The following SYTL2 variants were observed in gnomAD, a reference collection of about 807,000 sequenced individuals.
SYTL2 encodes the protein synaptotagmin like 2.
Under a neutral mutation model 198.7 loss-of-function variants are expected in SYTL2, and 165 were observed. The ratio of observed to expected loss-of-function variants is 0.83; its 90% confidence interval spans 0.73 to 0.94. The LOEUF is 0.94. Ranked by LOEUF, SYTL2 falls within the 40% of genes least tolerant of loss-of-function variation. SYTL2 has a pLI of 0.00. For synonymous variants in SYTL2, 966 were observed against 917.7 expected (o/e 1.05, Z -0.95); for missense variants, 2,835 against 2,582.8 (o/e 1.10, Z -2.12).
At chr11:85,790,370 C>A (rs2092711582) in intron 1 of SYTL2, among the ~76,000 whole-genome samples, 2 of 152,218 alleles carry the variant, frequency 1.3e-5, no homozygotes, top group South Asian at 4.1e-4. Context: ...ATCCCAAGCA[C>A]AACCCCTGAC....
intron 4 of SYTL2, among the ~76,000 whole-genome samples, chr11:85,742,186 A>G (rs961085582): frequency 1.3e-5 from 2 of 151,992 alleles, no homozygotes; most frequent in Non-Finnish European, 2.9e-5. Context: ...TTTATTGGCT[A>G]CCTCCTGCAG....
At chr11:85,757,173 TC>T (rs1457489421) in intron 2 of SYTL2, among the ~76,000 whole-genome samples, 2 of 152,214 alleles carry the variant, frequency 1.3e-5, no homozygotes, top group East Asian at 3.8e-4. Flanking sequence ...TAAAACCAAT[TC>T]CAACATTTCT....
Position 85,726,262 on chromosome 11 carries a change from A to T in SYTL2, c.3096T>A (p.Asn1032Lys). ...TTAGAAGCACCTCTGCTTCATGGGTATTTTTACCTGATAATTTAATGTCGC... is the reference window on the plus strand; with the variant it reads ...TTAGAAGCACCTCTGCTTCATGGGTTTTTTTACCTGATAATTTAATGTCGC... ...EFSDIKLSGK[N>K]THEAEVLLSP... Residue 1032 changes from asparagine (N) to lysine (K), a missense_variant, in exon 8 of 20, where the codon AAT becomes AAA. Transcript: ENST00000359152. The T allele has an allele frequency of 6.2e-7, 1 of 1,613,644 alleles. No individual in the cohort carries two copies.
At chr11:85,780,107 C>A (rs541643876) in intron 1 of SYTL2, among the ~76,000 whole-genome samples, 1 of 152,314 alleles carries the variant, frequency 6.6e-6, no homozygotes, top group Admixed American at 6.5e-5. Context: ...CAGAATTTGT[C>A]TACAATGAAC....
At chr11:85,766,211 G>T (rs1298279514) in intron 1 of SYTL2, among the ~76,000 whole-genome samples, 1 of 152,094 alleles carries the variant, frequency 6.6e-6, no homozygotes, top group Non-Finnish European at 1.5e-5. Flanking sequence ...AAAGTGTCAA[G>T]GGGGGGAGTT....
intron 1 of SYTL2, among the ~76,000 whole-genome samples, chr11:85,786,118 G>A (rs1265739093): frequency 6.6e-6 from 1 of 152,068 alleles, no homozygotes; most frequent in South Asian, 2.1e-4. Context: ...GAATCTCAAG[G>A]GAATTGTGCT....
the SYTL2 span, among the ~76,000 whole-genome samples, chr11:85,828,281 G>A: frequency 6.6e-6 from 1 of 152,130 alleles, no homozygotes; most frequent in Non-Finnish European, 1.5e-5. Context: ...TATGCAAGCA[G>A]CTGCAAACAC....
intron 11 of SYTL2, among the ~76,000 whole-genome samples, chr11:85,715,784 G>A (rs192261526): frequency 1.1e-4 from 17 of 152,156 alleles, no homozygotes; most frequent in Non-Finnish European, 2.1e-4. Context: ...TGGTAGCAGT[G>A]TAAGATTAGG....
Position 85,726,137 on chromosome 11 carries a change from A to C in SYTL2, c.3221T>G (p.Leu1074Arg). Residue 1074 changes from leucine (L) to arginine (R), a missense_variant, in exon 8 of 20, where the codon CTT (leucine) becomes CGT (arginine). Coordinates refer to ENST00000359152, the MANE Select transcript of SYTL2 (RefSeq NM_206927.4). The stretch of plus-strand genomic sequence containing the variant: ...TGGCAACTGATAAGTATACTTTCTA[A>C]GTGGACTCAAAGGAAATGTGATTTC... ...PDEITFPLSP[L>R]RKYTYQLPGN... The C allele has an allele frequency of 6.2e-7, 1 of 1,614,058 alleles. No individual in the cohort carries two copies. Among genetic ancestry groups the C allele is most frequent in the South Asian group, 1.1e-5 (1 of 91,062 alleles).
At chr11:85,847,229 A>G in the SYTL2 span, among the ~76,000 whole-genome samples, 1 of 152,010 alleles carries the variant, frequency 6.6e-6, no homozygotes, top group Non-Finnish European at 1.5e-5. Flanking sequence ...CCCACACCCC[A>G]GCCCCTGAGC....
chr11:85,804,729 AT>A (rs2092935440), intron 1 of SYTL2, among the ~76,000 whole-genome samples: 1 of 152,212 alleles, frequency 6.6e-6, no homozygotes, highest in South Asian at 2.1e-4. Flanking sequence ...GCAACCAAAA[AT>A]ACCAGATCAG....
chr11:85,702,776 C>T (rs1053637723), intron 16 of SYTL2, among the ~76,000 whole-genome samples: 13 of 152,176 alleles, frequency 8.5e-5, no homozygotes, highest in South Asian at 2.1e-4. Context: ...AAAAAATGAA[C>T]GGGCATACCA....
In SYTL2 at chr11:85,709,391, A is replaced by G; in HGVS notation, c.5855T>C (p.Val1952Ala). The G allele has an allele frequency of 1.2e-6, 2 of 1,614,138 alleles. No homozygotes were observed. Among genetic ancestry groups the G allele is most frequent in the Non-Finnish European group, 1.7e-6 (2 of 1,180,020 alleles). The change falls in exon 14 of 20, where the codon GTT (valine) becomes GCT (alanine). Residue 1952 changes from valine (V) to alanine (A), a missense_variant. By Grantham distance (64) the Val-to-Ala change is moderately conservative. Transcript: ENST00000359152. ...EYVESLKELH[V>A]FVAQCKDLAA... ...TAAGTCCTTACACTGGGCCACAAAAACATGCAACTCCTTCAGTGACTCCAC... is the reference window on the plus strand; with the variant it reads ...TAAGTCCTTACACTGGGCCACAAAAGCATGCAACTCCTTCAGTGACTCCAC...
intron 1 of SYTL2, among the ~76,000 whole-genome samples, chr11:85,795,270 G>A (rs1009288007): frequency 1.3e-5 from 2 of 151,948 alleles, no homozygotes; most frequent in Non-Finnish European, 2.9e-5. Context: ...AATAATGCTT[G>A]CATTTTATTT....
At chr11:85,699,539 A>G (rs1392165716) in intron 17 of SYTL2, among the ~76,000 whole-genome samples, 1 of 151,818 alleles carries the variant, frequency 6.6e-6, no homozygotes, top group Non-Finnish European at 1.5e-5. Context: ...GCCTGAAAAT[A>G]TGCTTTACTT....
At chr11:85,807,986 T>C (rs74669640) in intron 1 of SYTL2, among the ~76,000 whole-genome samples, 3,249 of 152,272 alleles carry the variant, frequency 0.021, 62 homozygotes, top group Admixed American at 0.039. Flanking sequence ...TTTGTTAATA[T>C]AGATGCAAAG....
At chr11:85,832,010 AATT>A in the SYTL2 span, among the ~76,000 whole-genome samples, 1 of 151,758 alleles carries the variant, frequency 6.6e-6, no homozygotes, top group Non-Finnish European at 1.5e-5. Context: ...ATAATTCATT[AATT>A]ATTATCTTTA....
chr11:85,836,785 C>T, the SYTL2 span, among the ~76,000 whole-genome samples: 1 of 152,096 alleles, frequency 6.6e-6, no homozygotes, highest in East Asian at 1.9e-4. Context: ...CTTTATGCCT[C>T]CAAAGTCATA....
In SYTL2 at chr11:85,724,841, T is replaced by C; in HGVS notation, c.4517A>G (p.Lys1506Arg). 1 of 1,613,676 alleles carries C rather than the reference T, an allele frequency of 6.2e-7. No individual in the cohort carries two copies. The highest frequency in any genetic ancestry group is 8.5e-7 in the Non-Finnish European group (1 of 1,179,914). Reference sequence around the variant, plus strand: ...TGAGGGGAAGGTTTCAGTTTCTTCCTTCAGTAGTTTTTCTAAGCCAGCACT... The same window carrying C: ...TGAGGGGAAGGTTTCAGTTTCTTCCCTCAGTAGTTTTTCTAAGCCAGCACT... ...EFSAGLEKLL[K>R]EETETFPSKY... Residue 1506 changes from lysine (K) to arginine (R), a missense_variant, in exon 8 of 20, where the codon AAG (lysine) becomes AGG (arginine). Around this residue, in one of 3 missense-constraint regions of SYTL2, gnomAD observed 2,645 missense variants for 2,381.7 expected, o/e 1.11. Coordinates refer to ENST00000359152, the MANE Select transcript of SYTL2 (RefSeq NM_206927.4).
Sources: gnomAD v4.1 joint callset for allele counts (sites outside exome capture counted in the v4.1 genomes callset) on GRCh38, gnomAD v4.1.1 for gene constraint, gnomAD v4.1.1 regional missense constraint, MANE v1.5 for transcripts, NCBI Gene and HGNC (gene_info 2026-07-23, HGNC 2026-07-21) for gene names.